Variants in GNB1 observed in about 807,000 individuals in gnomAD.
GNB1 encodes the protein guanine nucleotide-binding protein G(I)/G(S)/G(T) subunit beta-1.
Under a neutral mutation model 42.9 loss-of-function variants are expected in GNB1, and 2 were observed. The observed-to-expected ratio is 0.05, with a 90% CI of 0.02 to 0.15. The LOEUF is 0.15. Ranked by LOEUF, GNB1 falls within the 10% of genes least tolerant of loss-of-function variation. The probability of loss-of-function intolerance (pLI) is 1.00; values close to 1 mark genes in which losing one functional copy is unlikely to be tolerated. For missense variants in GNB1, 193 were observed against 462.2 expected (o/e 0.42, Z 5.34); for synonymous variants, 183 against 174.7 (o/e 1.05, Z -0.38).
chr1:1,815,941 T>C, intron 4 of GNB1, 79 bp from the exon 5 acceptor site: 1 of 879,958 alleles, frequency 1.1e-6, no homozygotes, highest in Non-Finnish European at 1.9e-6. Context: ...GTCAAGGCTG[T>C]TGGCTCGCCC....
intron 1 of GNB1, among the ~76,000 whole-genome samples, chr1:1,875,873 G>A (rs1407388434): frequency 6.6e-6 from 1 of 152,022 alleles, no homozygotes; most frequent in Non-Finnish European, 1.5e-5. Flanking sequence ...CTGGAACCTG[G>A]GAATGTGACC....
At chr1:1,809,170 C>G (rs1268855471) in intron 5 of GNB1, among the ~76,000 whole-genome samples, 1 of 150,568 alleles carries the variant, frequency 6.6e-6, no homozygotes, top group African/African-American at 2.4e-5. Context: ...GGCTCCCATC[C>G]TATTATTTTT....
chr1:1,873,782 C>T (rs377050354), intron 1 of GNB1, among the ~76,000 whole-genome samples: 7 of 152,152 alleles, frequency 4.6e-5, no homozygotes, highest in Non-Finnish European at 1.0e-4. Context: ...GGTGCCACTG[C>T]ACTCCAGCCT....
intron 1 of GNB1, among the ~76,000 whole-genome samples, chr1:1,876,267 C>T (rs1020384008): frequency 3.9e-5 from 6 of 152,116 alleles, no homozygotes; most frequent in African/African-American, 1.4e-4. Context: ...GCCAGAACCA[C>T]AAGGGTAGAA....
intron 1 of GNB1, among the ~76,000 whole-genome samples, chr1:1,886,746 G>A (rs577539706): frequency 4.6e-5 from 7 of 151,856 alleles, no homozygotes; most frequent in African/African-American, 1.2e-4. Context: ...TCGCTGTGTC[G>A]CCCAGGCTGG....
intron 3 of GNB1, 77 bp from the exon 4 acceptor site, chr1:1,817,952 A>G: frequency 1.8e-6 from 2 of 1,139,166 alleles, no homozygotes; most frequent in Non-Finnish European, 2.7e-6. Flanking sequence ...CCAAAGTTTC[A>G]AAGAGAGCTT....
Position 1,832,997 on chromosome 1 carries a change from C to T in GNB1, c.-47+6193G>A, listed in dbSNP as rs532572325. On this transcript the variant is annotated intron_variant, in intron 2 of 11. Coordinates refer to ENST00000378609, the MANE Select transcript of GNB1 (RefSeq NM_002074.5). ...AACTATGACGTGTACCTTTGACTAACAATCTCAAGGACAACAGGCACCATG... is the reference window on the plus strand; with the variant it reads ...AACTATGACGTGTACCTTTGACTAATAATCTCAAGGACAACAGGCACCATG... Among the ~76,000 whole-genome samples, 6 of 152,248 alleles carry T rather than the reference C, an allele frequency of 3.9e-5. No individual in the cohort carries two copies. In the South Asian group the frequency reaches 1.0e-3, roughly 26 times the overall value.
chr1:1,812,587 A>G (rs1025733638), intron 5 of GNB1, among the ~76,000 whole-genome samples: 15 of 152,250 alleles, frequency 9.9e-5, no homozygotes, highest in Non-Finnish European at 5.9e-5. Context: ...CAATTATACA[A>G]CAAATGCCAT....
At chr1:1,876,715 G>A (rs1184300103) in intron 1 of GNB1, among the ~76,000 whole-genome samples, 1 of 152,210 alleles carries the variant, frequency 6.6e-6, no homozygotes, top group Non-Finnish European at 1.5e-5. Context: ...ACCATCAGTA[G>A]TAGCGGTACT....
intron 9 of GNB1, 93 bp from the exon 10 acceptor site, chr1:1,789,362 C>A: frequency 1.3e-6 from 1 of 742,650 alleles, no homozygotes; most frequent in Admixed American, 2.1e-5. Context: ...GCAGAGAACA[C>A]AGCAGGCAAA....
intron 7 of GNB1, chr1:1,794,155 C>T (rs1646516942): frequency 6.6e-6 from 1 of 152,172 alleles, no homozygotes; most frequent in Admixed American, 6.5e-5. Flanking sequence ...CCAAGATGCC[C>T]CGTCCTAAAC....
intron 2 of GNB1, among the ~76,000 whole-genome samples, chr1:1,829,072 T>G (rs1280479809): frequency 6.6e-6 from 1 of 152,242 alleles, no homozygotes; most frequent in African/African-American, 2.4e-5. Flanking sequence ...CTTTTCTTTT[T>G]TGAGACGGAG....
chr1:1,870,446 G>A (rs558551738), intron 1 of GNB1, among the ~76,000 whole-genome samples: 1 of 152,270 alleles, frequency 6.6e-6, no homozygotes, highest in East Asian at 1.9e-4. Flanking sequence ...CAAATCCAGA[G>A]ATTACAGGGA....
At chr1:1,845,864 C>A (rs1349292553) in intron 1 of GNB1, among the ~76,000 whole-genome samples, 2 of 132,160 alleles carry the variant, frequency 1.5e-5, no homozygotes, top group African/African-American at 5.7e-5. Flanking sequence ...CACACACACA[C>A]ACACACACGT....
chr1:1,850,524 T>A (rs1042646343), intron 1 of GNB1, among the ~76,000 whole-genome samples: 3 of 152,112 alleles, frequency 2.0e-5, no homozygotes. Context: ...TTCTTTCCTA[T>A]CTGCTGACAA....
chr1:1,866,407 A>G (rs1458785985), intron 1 of GNB1, among the ~76,000 whole-genome samples: 1 of 152,150 alleles, frequency 6.6e-6, no homozygotes, highest in African/African-American at 2.4e-5. Context: ...ATGCCCAACC[A>G]TTTACTGTAT....
chr1:1,867,204 T>C (rs913203230), intron 1 of GNB1, among the ~76,000 whole-genome samples: 1 of 151,984 alleles, frequency 6.6e-6, no homozygotes, highest in African/African-American at 2.4e-5. Flanking sequence ...GAGGCAGAGG[T>C]TGCAGTGAGC....
At chr1:1,832,900 T>C (rs1272136493) in intron 2 of GNB1, among the ~76,000 whole-genome samples, 5 of 152,242 alleles carry the variant, frequency 3.3e-5, no homozygotes, top group South Asian at 2.1e-4. Flanking sequence ...GTGTTATCTA[T>C]ATCACAGAGC....
At chr1:1,803,353 G>A (rs2100681424) in intron 7 of GNB1, among the ~76,000 whole-genome samples, 1 of 152,354 alleles carries the variant, frequency 6.6e-6, no homozygotes, top group East Asian at 1.9e-4. Flanking sequence ...CTGGAGTGCA[G>A]TGGTGCAATC....
Sources: gnomAD v4.1 joint callset for allele counts (sites outside exome capture counted in the v4.1 genomes callset) on GRCh38, gnomAD v4.1.1 for gene constraint, MANE v1.5 for transcripts, NCBI Gene and HGNC (gene_info 2026-07-23, HGNC 2026-07-21) for gene names.